SPMAP2L: variants seen among roughly 807,000 people sequenced by gnomAD.
The protein encoded by SPMAP2L is sperm microtubule associated protein 2-like.
the SPMAP2L span, among the ~76,000 whole-genome samples, chr4:56,621,826 G>GA: frequency 6.6e-6 from 1 of 152,186 alleles, no homozygotes; most frequent in Non-Finnish European, 1.5e-5. Context: ...GCCAGGGCTG[G>GA]AAAAGGAAAG....
the SPMAP2L span, among the ~76,000 whole-genome samples, chr4:56,606,629 A>G: frequency 1.3e-5 from 2 of 152,142 alleles, no homozygotes; most frequent in Non-Finnish European, 2.9e-5. Flanking sequence ...AGGATGCATC[A>G]GGGACTGAAA....
the SPMAP2L span, among the ~76,000 whole-genome samples, chr4:56,571,462 G>A: frequency 0.025 from 3,822 of 151,816 alleles, 173 homozygotes; most frequent in African/African-American, 0.086. Flanking sequence ...ACAGGTGTGC[G>A]CCACCACACC....
chr4:56,555,612 T>G, the SPMAP2L span, among the ~76,000 whole-genome samples: 1 of 152,198 alleles, frequency 6.6e-6, no homozygotes, highest in Non-Finnish European at 1.5e-5. Context: ...TCTCCACTTA[T>G]ATAGCTCTTT....
chr4:56,575,961 C>T, the SPMAP2L span, among the ~76,000 whole-genome samples: 1 of 152,184 alleles, frequency 6.6e-6, no homozygotes, highest in Non-Finnish European at 1.5e-5. Flanking sequence ...ATCTCTCTGA[C>T]TTTGATACTT....
At chr4:56,611,997 C>T in the SPMAP2L span, among the ~76,000 whole-genome samples, 1,768 of 152,280 alleles carry the variant, frequency 0.012, 41 homozygotes, top group African/African-American at 0.041. Flanking sequence ...TTGCTTTAGC[C>T]AGCTCTAAAT....
the SPMAP2L span, among the ~76,000 whole-genome samples, chr4:56,600,759 C>T: frequency 6.6e-6 from 1 of 152,202 alleles, no homozygotes; most frequent in African/African-American, 2.4e-5. Context: ...CCCTCAGTAA[C>T]TGTCATGGAA....
chr4:56,612,984 T>C, the SPMAP2L span, among the ~76,000 whole-genome samples: 69,205 of 151,912 alleles, frequency 0.46, 16,296 homozygotes, highest in East Asian at 0.64. Flanking sequence ...CCAGCAAACC[T>C]CTAAGCGGAG....
At chr4:56,545,679 C>G in the SPMAP2L span, among the ~76,000 whole-genome samples, 1 of 140,424 alleles carries the variant, frequency 7.1e-6, no homozygotes, top group African/African-American at 2.7e-5. Context: ...GATGATTGCG[C>G]TACTGCACTC....
the SPMAP2L span, chr4:56,559,309 A>G: frequency 3.7e-6 from 4 of 1,088,198 alleles, no homozygotes; most frequent in Middle Eastern, 3.5e-4. Context: ...GTCTCAAAAA[A>G]AAAAAAAAAA....
At chr4:56,564,981 T>C in the SPMAP2L span, among the ~76,000 whole-genome samples, 1,297 of 152,332 alleles carry the variant, frequency 8.5e-3, 26 homozygotes, top group African/African-American at 0.03. Flanking sequence ...TTTCCAGATG[T>C]CTTCCTATTG....
At chr4:56,551,165 T>C in the SPMAP2L span, among the ~76,000 whole-genome samples, 53 of 152,302 alleles carry the variant, frequency 3.5e-4, no homozygotes, top group African/African-American at 1.2e-3. Flanking sequence ...CTAAAAGAGT[T>C]TGGAGCCCAT....
At chr4:56,578,963 AC>A in the SPMAP2L span, among the ~76,000 whole-genome samples, 1 of 152,058 alleles carries the variant, frequency 6.6e-6, no homozygotes, top group Non-Finnish European at 1.5e-5. Context: ...CTATAAACAT[AC>A]ATGCACCCAA....
chr4:56,594,258 T>C, the SPMAP2L span: 36 of 1,583,104 alleles, frequency 2.3e-5, no homozygotes, highest in Non-Finnish European at 3.0e-5. Flanking sequence ...GAAACAAATA[T>C]TGTCCGGTAT....
At chr4:56,615,534 G>A in the SPMAP2L span, among the ~76,000 whole-genome samples, 3 of 152,106 alleles carry the variant, frequency 2.0e-5, no homozygotes, top group East Asian at 1.9e-4. Context: ...ATCACCTAAG[G>A]TCAGGAGTTC....
chr4:56,552,620 G>T, the SPMAP2L span: 1 of 1,479,826 alleles, frequency 6.8e-7, no homozygotes, highest in Non-Finnish European at 9.1e-7. Flanking sequence ...GACAGGTAAG[G>T]CAATATTGTA....
At chr4:56,616,608 T>G in the SPMAP2L span, among the ~76,000 whole-genome samples, 1 of 152,176 alleles carries the variant, frequency 6.6e-6, no homozygotes, top group Non-Finnish European at 1.5e-5. Flanking sequence ...CTCTTTCCAT[T>G]TCCCTCTGGA....
At chr4:56,564,459 T>C in the SPMAP2L span, among the ~76,000 whole-genome samples, 1 of 152,306 alleles carries the variant, frequency 6.6e-6, no homozygotes, top group East Asian at 1.9e-4. Flanking sequence ...ATTTCATCTG[T>C]TTTGAAATTT....
the SPMAP2L span, among the ~76,000 whole-genome samples, chr4:56,592,218 C>T: frequency 7.9e-5 from 12 of 152,204 alleles, no homozygotes; most frequent in African/African-American, 2.9e-4. Flanking sequence ...CAAGTTGGAA[C>T]AGTTTCATCC....
chr4:56,545,012 C>T, the SPMAP2L span, among the ~76,000 whole-genome samples: 15,967 of 152,228 alleles, frequency 0.1, 931 homozygotes, highest in East Asian at 0.2. Context: ...CACACAGACC[C>T]GCCCGGCGCA....
Sources: gnomAD v4.1 joint callset for allele counts (sites outside exome capture counted in the v4.1 genomes callset) on GRCh38, gnomAD v4.1.1 for gene constraint, MANE v1.5 for transcripts, NCBI Gene and HGNC (gene_info 2026-07-23, HGNC 2026-07-21) for gene names.